The following C8orf34 variants were observed in gnomAD, a reference collection of about 807,000 sequenced individuals.
C8orf34 encodes the protein chromosome 8 open reading frame 34.
Under a neutral mutation model 68.3 loss-of-function variants are expected in C8orf34, and 65 were observed. That is an observed-to-expected ratio of 0.95 (90% confidence interval 0.78 to 1.17). The LOEUF (loss-of-function observed/expected upper bound fraction) is 1.17. Ranked by LOEUF, C8orf34 falls within the 50% of genes most tolerant of loss-of-function variation. The probability of loss-of-function intolerance (pLI) is 0.00; values close to 1 mark genes in which losing one functional copy is unlikely to be tolerated. For missense variants in C8orf34, 664 were observed against 655.4 expected, an observed-to-expected ratio of 1.01 and a Z score of -0.14; for synonymous variants, 244 against 241.2, an observed-to-expected ratio of 1.01 and a Z score of -0.11.
At position 68,448,497 on chromosome 8, in the gene C8orf34, G is replaced by A. The variant is rs574502424; in HGVS notation, c.607+2037G>A. Among the ~76,000 whole-genome samples, 388 of 152,224 alleles carry A rather than the reference G, an allele frequency of 2.5e-3. 2 individuals carry two copies. The highest frequency in any genetic ancestry group is 7.5e-3 in the South Asian group (36 of 4,824). On this transcript the variant is annotated intron_variant, in intron 3 of 13. Coordinates refer to ENST00000518698, the MANE Select transcript of C8orf34 (RefSeq NM_052958.4). ...ACGTAGATTGTGATGAGTTAAAGAT[G>A]CATTTTTCATCTCTAAAGCATCACT...
intron 1 of C8orf34, among the ~76,000 whole-genome samples, chr8:68,381,738 C>CA (rs769290635): frequency 0.32 from 22,939 of 71,908 alleles, 5,898 homozygotes; most frequent in Admixed American, 0.4. Flanking sequence ...GACTCCGTCT[C>CA]AAAAAAAAAA....
chr8:68,386,964 CT>C (rs1808287803), intron 1 of C8orf34, among the ~76,000 whole-genome samples: 1 of 151,982 alleles, frequency 6.6e-6, no homozygotes, highest in South Asian at 2.1e-4. Context: ...ATAACTACTG[CT>C]TTAGGGAAAG....
chr8:68,426,914 TA>T (rs1273872558), intron 1 of C8orf34, among the ~76,000 whole-genome samples: 1 of 150,754 alleles, frequency 6.6e-6, no homozygotes, highest in African/African-American at 2.5e-5. Context: ...AAAATCCTAT[TA>T]GAAAATAGAC....
At chr8:68,536,516 T>A (rs192415554) in intron 7 of C8orf34, among the ~76,000 whole-genome samples, 1 of 152,134 alleles carries the variant, frequency 6.6e-6, no homozygotes, top group African/African-American at 2.4e-5. Flanking sequence ...TTACATTAGA[T>A]GCATTTTAAT....
intron 10 of C8orf34, among the ~76,000 whole-genome samples, chr8:68,768,740 A>G (rs1823254119): frequency 6.6e-6 from 1 of 152,138 alleles, no homozygotes; most frequent in South Asian, 2.1e-4. Flanking sequence ...GAAATCCACA[A>G]TGTCATAGGA....
At chr8:68,812,987 T>C (rs1824699848) in intron 12 of C8orf34, among the ~76,000 whole-genome samples, 1 of 152,208 alleles carries the variant, frequency 6.6e-6, no homozygotes, top group Non-Finnish European at 1.5e-5. Context: ...AGAGTTGCAA[T>C]GAACATGGTG....
At chr8:68,440,028 G>A (rs957560149) in intron 2 of C8orf34, among the ~76,000 whole-genome samples, 1 of 152,054 alleles carries the variant, frequency 6.6e-6, no homozygotes, top group Non-Finnish European at 1.5e-5. Flanking sequence ...TACTTTTCTT[G>A]TTGCCCAAAC....
chr8:68,555,595 G>A (rs1816226835), intron 7 of C8orf34, among the ~76,000 whole-genome samples: 1 of 151,954 alleles, frequency 6.6e-6, no homozygotes, highest in African/African-American at 2.4e-5. Context: ...CTTCTCTAGA[G>A]GTAATTATTA....
At chr8:68,532,147 A>G (rs917930065) in intron 6 of C8orf34, among the ~76,000 whole-genome samples, 4 of 152,202 alleles carry the variant, frequency 2.6e-5, no homozygotes, top group African/African-American at 9.7e-5. Context: ...GCAAGAAAGA[A>G]TCTACTTCAA....
chr8:68,355,904 C>T (rs1192874126), intron 1 of C8orf34, among the ~76,000 whole-genome samples: 1 of 152,198 alleles, frequency 6.6e-6, no homozygotes, highest in Non-Finnish European at 1.5e-5. Context: ...ACAACTCCAA[C>T]TCCCCTGTTT....
intron 8 of C8orf34, among the ~76,000 whole-genome samples, chr8:68,682,539 A>G (rs954440378): frequency 1.3e-5 from 2 of 150,954 alleles, no homozygotes; most frequent in African/African-American, 4.9e-5. Flanking sequence ...CTTTGTTTTC[A>G]GAATTCTCCT....
chr8:68,717,753 A>G (rs969858851), intron 9 of C8orf34, among the ~76,000 whole-genome samples: 1 of 152,220 alleles, frequency 6.6e-6, no homozygotes, highest in African/African-American at 2.4e-5. Flanking sequence ...TAAGTCAAAT[A>G]TTAGGTAATA....
intron 5 of C8orf34, among the ~76,000 whole-genome samples, chr8:68,494,821 A>C (rs1298791260): frequency 6.6e-6 from 1 of 151,782 alleles, no homozygotes; most frequent in Non-Finnish European, 1.5e-5. Flanking sequence ...ACGCTACTAC[A>C]CTCCAGCCTG....
chr8:68,544,592 T>C (rs1253809737), intron 7 of C8orf34, among the ~76,000 whole-genome samples: 2 of 152,256 alleles, frequency 1.3e-5, no homozygotes, highest in East Asian at 3.9e-4. Flanking sequence ...GCAACTGTTG[T>C]AATTAGCTAA....
chr8:68,625,365 A>G (rs1018459206), intron 7 of C8orf34: 2 of 440,238 alleles, frequency 4.5e-6, no homozygotes, highest in African/African-American at 4.0e-5. Context: ...GAAATTCAAA[A>G]TATGTATCTA....
chr8:68,535,971 G>C, intron 7 of C8orf34: 1 of 668,718 alleles, frequency 1.5e-6, no homozygotes, highest in Non-Finnish European at 1.8e-6. Context: ...TTTAGTAATC[G>C]TTCTGGCAAT....
intron 5 of C8orf34, among the ~76,000 whole-genome samples, chr8:68,505,757 AG>A (rs1319787585): frequency 9.2e-5 from 14 of 151,620 alleles, no homozygotes; most frequent in Non-Finnish European, 1.3e-4. Flanking sequence ...AAAAAAAAAA[AG>A]AATGAGCAAC....
At chr8:68,817,630 A>T (rs1410556383) in intron 13 of C8orf34, among the ~76,000 whole-genome samples, 2 of 152,150 alleles carry the variant, frequency 1.3e-5, no homozygotes, top group Non-Finnish European at 1.5e-5. Flanking sequence ...AACATGTAAA[A>T]TATTCTAGAA....
At position 68,384,438 on chromosome 8, in the gene C8orf34, G is replaced by C. The variant is rs539547233; in HGVS notation, c.327+53099G>C. Among the ~76,000 whole-genome samples the C allele has an allele frequency of 1.2e-4, 19 of 152,240 alleles. No homozygotes were observed. The East Asian group carries it at 3.5e-3, about 28-fold the overall frequency. ...TATATGGCGCTGGCCTCTGCTTCTG[G>C]GTCTGCGCTTTTGTTGCCAAGATAT... On this transcript the variant is annotated intron_variant, in intron 1 of 13. Transcript: ENST00000518698.
Sources: allele counts gnomAD v4.1 joint callset (sites outside exome capture counted in the v4.1 genomes callset), GRCh38; gene constraint gnomAD v4.1.1; transcripts MANE v1.5; gene names NCBI Gene and HGNC (gene_info 2026-07-23, HGNC 2026-07-21).